PARD6G: variants seen among roughly 807,000 people sequenced by gnomAD.
PARD6G encodes par-6 family cell polarity regulator gamma, also known as partitioning defective 6 homolog gamma.
In PARD6G, 7 loss-of-function variants were observed where a neutral mutation model predicts 10.7. The ratio of observed to expected loss-of-function variants is 0.66; its 90% CI spans 0.37 to 1.23. PARD6G has a LOEUF of 1.23. PARD6G is among the 50% of genes most tolerant of loss of function. The pLI is 0.02. For missense variants in PARD6G, 548 were observed against 571.8 expected, an observed-to-expected ratio of 0.96 and a Z score of 0.42; for synonymous variants, 287 against 269.4, an observed-to-expected ratio of 1.07 and a Z score of -0.64.
chr18:80,176,095 T>G (rs115196449), intron 2 of PARD6G, among the ~76,000 whole-genome samples: 315 of 150,882 alleles, frequency 2.1e-3, no homozygotes, highest in African/African-American at 7.5e-3. Flanking sequence ...AGAGCCAGGA[T>G]GAAGACAGAA....
Position 80,200,290 on chromosome 18 carries a change from C to G in PARD6G, c.295+2420G>C, listed in dbSNP as rs754734327. Among the ~76,000 whole-genome samples, 3 of 152,104 alleles carry G rather than the reference C, an allele frequency of 2.0e-5. No individual in the cohort carries two copies. The highest frequency in any genetic ancestry group is 7.2e-5 in the African/African-American group (3 of 41,402). On this transcript the variant is annotated intron_variant, in intron 2 of 2. Coordinates refer to ENST00000353265, the MANE Select transcript of PARD6G (RefSeq NM_032510.4). The surrounding 1 kb of genome is among the most constrained non-coding windows in gnomAD (Gnocchi z 4.4). ...GCAGGGAGGGTGCCTGACTGTGCAC[C>G]GGAAACAACTGCCCCTGACTGCCAC...
intron 1 of PARD6G, among the ~76,000 whole-genome samples, chr18:80,242,094 C>T (rs969275022): frequency 2.0e-5 from 3 of 152,170 alleles, no homozygotes; most frequent in African/African-American, 7.2e-5. Context: ...CAGAGTCTCC[C>T]AGGCCACAGA....
intron 2 of PARD6G, among the ~76,000 whole-genome samples, chr18:80,196,363 C>A (rs1760164217): frequency 6.6e-6 from 1 of 152,120 alleles, no homozygotes; most frequent in Non-Finnish European, 1.5e-5. Context: ...TCCATGTCAT[C>A]CAAATCTTGT....
At chr18:80,191,200 G>T (rs1163163836) in intron 2 of PARD6G, among the ~76,000 whole-genome samples, 1 of 152,160 alleles carries the variant, frequency 6.6e-6, no homozygotes. Flanking sequence ...CATATTCCAG[G>T]TAACTAGAAG....
intron 2 of PARD6G, among the ~76,000 whole-genome samples, chr18:80,177,501 G>A (rs1460851338): frequency 7.5e-6 from 1 of 133,696 alleles, no homozygotes; most frequent in Non-Finnish European, 1.6e-5. Context: ...TAATCCAAAT[G>A]GGAAGCACAC....
chr18:80,177,327 A>G (rs1048810867), intron 2 of PARD6G, among the ~76,000 whole-genome samples: 1 of 146,284 alleles, frequency 6.8e-6, no homozygotes, highest in African/African-American at 2.5e-5. Flanking sequence ...CCAAATGGGA[A>G]GCGCACACAC....
intron 2 of PARD6G, chr18:80,162,352 C>T (rs2052706112): frequency 6.4e-6 from 1 of 155,398 alleles, no homozygotes; most frequent in Admixed American, 6.5e-5. Flanking sequence ...TCATGTAACC[C>T]ATAAATATAT....
intron 2 of PARD6G, among the ~76,000 whole-genome samples, chr18:80,166,994 T>G (rs2052740344): frequency 6.6e-6 from 1 of 152,146 alleles, no homozygotes; most frequent in Non-Finnish European, 1.5e-5. Flanking sequence ...CAAGGGAGTT[T>G]CAGCGCATCT....
intron 2 of PARD6G, among the ~76,000 whole-genome samples, chr18:80,185,309 AT>A (rs71898685): frequency 0.029 from 4,166 of 145,252 alleles, 166 homozygotes; most frequent in African/African-American, 0.095. Flanking sequence ...TCAGAAGGTG[AT>A]TTTTTTTTTT....
Position 80,204,950 on chromosome 18 carries a change from T to TTAATAA in PARD6G, c.73-2024_73-2019dup, listed in dbSNP as rs570635258. Among the ~76,000 whole-genome samples the TTAATAA allele has an allele frequency of 3.4e-3, 518 of 151,846 alleles. 1 individual carries two copies. Among genetic ancestry groups the TTAATAA allele is most frequent in the African/African-American group, 0.012 (492 of 41,370 alleles). On this transcript the variant is annotated intron_variant, in intron 1 of 2. Coordinates refer to ENST00000353265, the MANE Select transcript of PARD6G (RefSeq NM_032510.4). Reference sequence around the variant, plus strand: ...CTGGGCAAAAGAGTGAGACTCAGTCTTAATAATAATAATAATAATAACAAT... The same window carrying TTAATAA: ...CTGGGCAAAAGAGTGAGACTCAGTCTTAATAATAATAATAATAATAATAATAACAAT...
chr18:80,194,461 T>C (rs772021741), intron 2 of PARD6G, among the ~76,000 whole-genome samples: 1 of 152,202 alleles, frequency 6.6e-6, no homozygotes, highest in African/African-American at 2.4e-5. Flanking sequence ...ACTTGGTTTA[T>C]TGTGAGAGTC....
intron 2 of PARD6G, among the ~76,000 whole-genome samples, chr18:80,199,048 G>A (rs1350735311): frequency 1.3e-5 from 2 of 152,172 alleles, no homozygotes; most frequent in Non-Finnish European, 2.9e-5. Flanking sequence ...TGGCAACCAT[G>A]AGTCTATGGA....
chr18:80,187,282 C>T (rs1277989441), intron 2 of PARD6G, among the ~76,000 whole-genome samples: 1 of 152,136 alleles, frequency 6.6e-6, no homozygotes, highest in Non-Finnish European at 1.5e-5. Flanking sequence ...TGCTGTCAGG[C>T]TCTGCACAGC....
Position 80,159,746 on chromosome 18 carries a change from T to A in PARD6G, c.*25A>T. On this transcript the variant is annotated 3_prime_UTR_variant, in exon 3 of 3. Coordinates refer to ENST00000353265, the MANE Select transcript of PARD6G (RefSeq NM_032510.4). The stretch of plus-strand genomic sequence containing the variant: ...CCTGTCCTTACCGGGGAACTGGAGC[T>A]AGGATTTGGGGGCCTCTCGGGAGTC... 7.3e-7 allele frequency: 1 copy of A among 1,377,276 alleles called. No individual in the cohort carries two copies. Among genetic ancestry groups the A allele is most frequent in the Non-Finnish European group, 9.4e-7 (1 of 1,064,978 alleles). The allele number at this position is 1,377,276 out of a possible 1,614,324, so 85.3% of individuals were successfully genotyped here.
At chr18:80,208,105 C>T (rs1967071766) in intron 1 of PARD6G, among the ~76,000 whole-genome samples, 1 of 152,132 alleles carries the variant, frequency 6.6e-6, no homozygotes, top group African/African-American at 2.4e-5. Flanking sequence ...ATCACTGCAG[C>T]ATTTAGATTT....
In PARD6G at chr18:80,246,987, G is replaced by A. The variant is rs1209279656; in HGVS notation, c.72+290C>T. ...GGCGCGCCCCGATCGCCTCTCACTC[G>A]TGGAACAAAAGAGCAGCTCCCGCGG... On this transcript the variant is annotated intron_variant, in intron 1 of 2. Transcript: ENST00000353265. This position sits in a 1 kb window ranked among gnomAD's most constrained non-coding sequence, Gnocchi z 6.7. Among the ~76,000 whole-genome samples the A allele has an allele frequency of 1.3e-5, 2 of 152,092 alleles. No homozygotes were observed. Among genetic ancestry groups the A allele is most frequent in the East Asian group, 1.9e-4 (1 of 5,144 alleles).
intron 1 of PARD6G, among the ~76,000 whole-genome samples, chr18:80,234,080 C>T (rs962548066): frequency 3.9e-5 from 6 of 152,198 alleles, no homozygotes; most frequent in Non-Finnish European, 8.8e-5. Flanking sequence ...CCACAGCTCA[C>T]CATGAGTGAA....
Position 80,159,542 on chromosome 18 carries a change from T to TG in PARD6G, c.*228dup. Reference sequence around the variant, plus strand: ...ATCACTTTGCAAAGGCGCCAAGACCTGCACTCAGGCCTGGTATAGAGTGTC... The same window carrying TG: ...ATCACTTTGCAAAGGCGCCAAGACCTGGCACTCAGGCCTGGTATAGAGTGTC... On this transcript the variant is annotated 3_prime_UTR_variant, in exon 3 of 3. Transcript: ENST00000353265. The TG allele has an allele frequency of 1.8e-6, 1 of 551,018 alleles. No homozygotes were observed. Among genetic ancestry groups the TG allele is most frequent in the Non-Finnish European group, 2.7e-6 (1 of 369,702 alleles). 34.1% of individuals were successfully genotyped at this position (551,018 alleles called of 1,614,324 possible).
intron 1 of PARD6G, among the ~76,000 whole-genome samples, chr18:80,227,443 G>A (rs1967304283): frequency 6.6e-6 from 1 of 152,206 alleles, no homozygotes; most frequent in Admixed American, 6.5e-5. Flanking sequence ...CCCATCTGGA[G>A]CCAAATGTCA....
Sources: gnomAD v4.1 joint callset for allele counts (sites outside exome capture counted in the v4.1 genomes callset) on GRCh38, gnomAD v4.1.1 for gene constraint, Gnocchi (gnomAD v3.1) non-coding constraint, MANE v1.5 for transcripts, NCBI Gene and HGNC (gene_info 2026-07-23, HGNC 2026-07-21) for gene names.